MTR: variants seen among roughly 807,000 people sequenced by gnomAD.
MTR encodes the protein methionine synthase.
A neutral mutation model predicts 154.8 loss-of-function variants in MTR; 84 were observed. The ratio of observed to expected loss-of-function variants is 0.54; its 90% CI spans 0.45 to 0.65. The LOEUF (loss-of-function observed/expected upper bound fraction) is 0.65, where lower values mean the gene tolerates loss of function less well. Among genes scored for constraint, MTR ranks in the 30% least tolerant of loss-of-function variants. MTR has a pLI of 0.00. For synonymous variants in MTR, 554 were observed against 553.9 expected, an observed-to-expected ratio of 1.00 and a Z score of 0.00; for missense variants, 1,275 against 1,570.2, an observed-to-expected ratio of 0.81 and a Z score of 3.18.
Position 236,835,704 on chromosome 1 carries a change from GT to G in MTR, c.1329+20del. 2 of 1,613,426 alleles carry G rather than the reference GT, an allele frequency of 1.2e-6. No homozygotes were observed. The highest frequency in any genetic ancestry group is 8.5e-7 in the Non-Finnish European group (1 of 1,179,890). ...ATCGCAAAGGTTATACAAAGTTTAT[GT>G]TTATCAGGGGGATTTACTTGTCTCA... is the stretch of plus-strand genomic sequence containing the variant. On this transcript the variant is annotated intron_variant, in intron 14 of 32. Coordinates refer to ENST00000366577, the MANE Select transcript of MTR (RefSeq NM_000254.3).
intron 15 of MTR, 115 bp downstream of exon 15, chr1:236,838,714 C>A (rs1437487308): frequency 9.2e-7 from 1 of 1,082,464 alleles, no homozygotes; most frequent in Non-Finnish European, 1.4e-6. Flanking sequence ...TTATCTCTTT[C>A]CATATACATT....
chr1:236,859,701 A>G, intron 18 of MTR, 132 bp from the exon 19 acceptor site: 1 of 714,608 alleles, frequency 1.4e-6, no homozygotes, highest in Non-Finnish European at 2.5e-6. Context: ...TTTATGCTGG[A>G]CAGTCTACTA....
chr1:236,879,611 G>A (rs898230438), intron 24 of MTR, among the ~76,000 whole-genome samples: 1 of 152,158 alleles, frequency 6.6e-6, no homozygotes, highest in African/African-American at 2.4e-5. Flanking sequence ...CTCTCCAGGG[G>A]TTCTGGATTA....
Position 236,838,738 on chromosome 1 carries a change from G to A in MTR, c.1515+139G>A, listed in dbSNP as rs1663055156. On this transcript the variant is annotated intron_variant, in intron 15 of 32. Transcript: ENST00000366577. ...TCCATATACATTCATGTACATATATGTACACGTATCTGTATACAGTCATAC... is the reference window on the plus strand; with the variant it reads ...TCCATATACATTCATGTACATATATATACACGTATCTGTATACAGTCATAC... 2.8e-5 allele frequency: 24 copies of A among 862,958 alleles called. No individual in the cohort carries two copies. The South Asian group carries it at 3.4e-4, about 12-fold the overall frequency. 53.5% of individuals were successfully genotyped at this position (862,958 alleles called of 1,614,324 possible).
In MTR at chr1:236,806,219, G is replaced by A. The variant is rs746836137; in HGVS notation, c.325G>A (p.Gly109Ser). Residue 109 changes from glycine (G) to serine (S), a missense_variant, in exon 3 of 33, where the codon GGC becomes AGC. Gly to Ser is a moderately conservative substitution (Grantham distance 56). Coordinates refer to ENST00000366577, the MANE Select transcript of MTR (RefSeq NM_000254.3). ...SSTSIAQADY[G>S]LEHLAYRMNM... ...CACTAGTATTGCCCAAGCTGACTAT[G>A]GCCTTGAACACTTGGTAAGAATTCC... 3.5e-5 allele frequency: 57 copies of A among 1,613,574 alleles called. No homozygotes were observed. The highest frequency in any genetic ancestry group is 4.7e-5 in the Non-Finnish European group (55 of 1,179,618).
At chr1:236,835,382 A>C (rs1662845739) in intron 13 of MTR, among the ~76,000 whole-genome samples, 165 bp from the exon 14 acceptor site, 1 of 151,844 alleles carries the variant, frequency 6.6e-6, no homozygotes, top group Admixed American at 6.6e-5. Flanking sequence ...AAGAAAGGTT[A>C]ATTTGTGATG....
At chr1:236,818,648 A>T (rs2103070534) in intron 8 of MTR, among the ~76,000 whole-genome samples, 1 of 152,362 alleles carries the variant, frequency 6.6e-6, no homozygotes, top group South Asian at 2.1e-4. Flanking sequence ...GTAGGGGCAG[A>T]TAGAAGGCAG....
rs751829488 is a variant in MTR, at chr1:236,815,618, A to G, written c.624A>G (p.Ala208=). 3.7e-6 allele frequency: 6 copies of G among 1,613,768 alleles called. No homozygotes were observed. In the African/African-American group the frequency reaches 6.7e-5, roughly 18 times the overall value. Residue 208 remains alanine (A), a synonymous_variant, in exon 7 of 33, where the codon GCA becomes GCG. Coordinates refer to ENST00000366577, the MANE Select transcript of MTR (RefSeq NM_000254.3). ...TTCCCTGACAGGCAGCCTTGTTTGCACTCCAAAATCTTTTTGAGGAGAAAT... is the reference window on the plus strand; with the variant it reads ...TTCCCTGACAGGCAGCCTTGTTTGCGCTCCAAAATCTTTTTGAGGAGAAAT... ...DTANAKAALF[A]LQNLFEEKYA... is the part of the protein sequence containing the mutation.
chr1:236,820,883 A>G (rs966654748), intron 8 of MTR, among the ~76,000 whole-genome samples: 1 of 152,194 alleles, frequency 6.6e-6, no homozygotes, highest in Non-Finnish European at 1.5e-5. Flanking sequence ...TGTATTTGCA[A>G]TTCCTTAAAA....
intron 7 of MTR, 143 bp downstream of exon 7, chr1:236,815,806 C>A: frequency 1.2e-6 from 1 of 805,304 alleles, no homozygotes; most frequent in Non-Finnish European, 2.0e-6. Flanking sequence ...CACTTCCCTT[C>A]CACCACTTCT....
At chr1:236,872,949 C>A (rs547870354) in intron 22 of MTR, among the ~76,000 whole-genome samples, 7 of 152,322 alleles carry the variant, frequency 4.6e-5, no homozygotes, top group African/African-American at 1.7e-4. Flanking sequence ...CACGCCACTG[C>A]ACTCCAGCCT....
intron 1 of MTR, among the ~76,000 whole-genome samples, chr1:236,799,190 C>T (rs1045733390): frequency 3.9e-5 from 6 of 152,076 alleles, no homozygotes; most frequent in East Asian, 1.9e-4. Context: ...GGCGTGATCA[C>T]GGTTCACTGC....
chr1:236,813,982 A>G (rs1368962095), intron 6 of MTR, among the ~76,000 whole-genome samples: 1 of 152,212 alleles, frequency 6.6e-6, no homozygotes, highest in Non-Finnish European at 1.5e-5. Context: ...AAGAGAAGAA[A>G]AAAATGGAAA....
rs1553331086 is a variant in MTR, at chr1:236,897,343, CAT to C, written c.3712-213_3712-212del. 9.7e-4 allele frequency among the ~76,000 whole-genome samples: 136 copies of C among 139,956 alleles called. 1 individual carries two copies. The highest frequency in any genetic ancestry group is 3.7e-3 in the African/African-American group (121 of 32,390). 91.8% of individuals were successfully genotyped at this position (139,956 alleles called of 152,430 possible). A position where few individuals can be genotyped will look rare whatever the true frequency, so the allele number is the denominator to read the frequency against. On this transcript the variant is annotated intron_variant, in intron 32 of 32. Coordinates refer to ENST00000366577, the MANE Select transcript of MTR (RefSeq NM_000254.3). ...ACACACACACACACACACACACACACATACAGCTTCTAAGCATCAGATGTTTA... is the reference window on the plus strand; with the variant it reads ...ACACACACACACACACACACACACACACAGCTTCTAAGCATCAGATGTTTA...
Position 236,795,598 on chromosome 1 carries a change from G to A in MTR, c.-106G>A, listed in dbSNP as rs998758660. The stretch of plus-strand genomic sequence containing the variant: ...AGGCGTCAAAAGACCCGGGCCTTGT[G>A]TGGCAGGCTCGCCTGGCGCTGGCTG... On this transcript the variant is annotated 5_prime_UTR_variant, in exon 1 of 33. It adds an upstream start codon to the 5' untranslated region. Coordinates refer to ENST00000366577, the MANE Select transcript of MTR (RefSeq NM_000254.3). 6.3e-7 allele frequency: 1 copy of A among 1,598,576 alleles called. No homozygotes were observed. Among genetic ancestry groups the A allele is most frequent in the Admixed American group, 1.7e-5 (1 of 59,024 alleles).
chr1:236,901,807 A>T lies in MTR; in HGVS notation c.*4163A>T, dbSNP rs1216179214. Reference sequence around the variant, plus strand: ...TTCATGACCTAATTACCTCCCAAAGATGCCATCTCCAAACACCATCATTCT... The same window carrying T: ...TTCATGACCTAATTACCTCCCAAAGTTGCCATCTCCAAACACCATCATTCT... On this transcript the variant is annotated 3_prime_UTR_variant, in exon 33 of 33. Transcript: ENST00000366577. 6.6e-6 allele frequency: 1 copy of T among 152,214 alleles called. No homozygotes were observed. Among genetic ancestry groups the T allele is most frequent in the Non-Finnish European group, 1.5e-5 (1 of 68,074 alleles). 9.4% of individuals were successfully genotyped at this position (152,214 alleles called of 1,614,324 possible).
At chr1:236,795,962 C>T (rs1660359529) in intron 1 of MTR, among the ~76,000 whole-genome samples, 2 of 152,222 alleles carry the variant, frequency 1.3e-5, no homozygotes. Context: ...GCCATCAAAA[C>T]CTGCAAAAAG....
chr1:236,865,097 T>A (rs1664751955), intron 22 of MTR, among the ~76,000 whole-genome samples: 1 of 152,216 alleles, frequency 6.6e-6, no homozygotes, highest in African/African-American at 2.4e-5. Context: ...CAGGGAACAT[T>A]GTGGCATTTC....
chr1:236,844,637 T>C (rs1198515828), intron 15 of MTR, among the ~76,000 whole-genome samples: 1 of 152,098 alleles, frequency 6.6e-6, no homozygotes. Flanking sequence ...GCAGTCACTG[T>C]GTGAGTGGAG....
Sources: allele counts gnomAD v4.1 joint callset (sites outside exome capture counted in the v4.1 genomes callset), GRCh38; gene constraint gnomAD v4.1.1; transcripts MANE v1.5; gene names NCBI Gene and HGNC (gene_info 2026-07-23, HGNC 2026-07-21).